Variants in BIRC6 observed in about 807,000 individuals in gnomAD.
BIRC6 encodes dual E2 ubiquitin-conjugating enzyme/E3 ubiquitin-protein ligase BIRC6.
In BIRC6, 98 loss-of-function variants were observed where a neutral mutation model predicts 503.3. That is an observed-to-expected ratio of 0.19 (90% CI 0.17 to 0.23). The LOEUF (loss-of-function observed/expected upper bound fraction) is 0.23, where lower values mean the gene tolerates loss of function less well. Among genes scored for constraint, BIRC6 ranks in the 10% least tolerant of loss-of-function variants. BIRC6 has a pLI of 1.00. For synonymous variants in BIRC6, 2,240 were observed against 2,078.7 expected (o/e 1.08, Z -2.11); for missense variants, 5,360 against 5,806.0 (o/e 0.92, Z 2.50).
At chr2:32,360,589 C>G (rs940407103) in intron 1 of BIRC6, among the ~76,000 whole-genome samples, 8 of 152,180 alleles carry the variant, frequency 5.3e-5, no homozygotes, top group Non-Finnish European at 1.0e-4. Flanking sequence ...TCGCTCCAGT[C>G]ATTTAGCTAA....
intron 11 of BIRC6, 148 bp from the exon 12 acceptor site, chr2:32,430,717 C>T: frequency 3.2e-6 from 2 of 615,874 alleles, no homozygotes; most frequent in East Asian, 5.5e-5. Context: ...ATATAGATAC[C>T]TGAGCCCACT....
intron 5 of BIRC6, among the ~76,000 whole-genome samples, chr2:32,392,702 A>G (rs2039389493): frequency 1.3e-5 from 2 of 152,000 alleles, no homozygotes; most frequent in African/African-American, 4.8e-5. Context: ...CACTCACTTC[A>G]GTCTCAACCT....
chr2:32,610,370 A>G (rs1224652098), intron 72 of BIRC6, among the ~76,000 whole-genome samples: 1 of 152,268 alleles, frequency 6.6e-6, no homozygotes, highest in Non-Finnish European at 1.5e-5. Context: ...CAAAGATAGA[A>G]TTGAAAGATA....
intron 21 of BIRC6, among the ~76,000 whole-genome samples, chr2:32,448,544 G>A (rs186959300): frequency 0.012 from 1,760 of 152,234 alleles, 21 homozygotes; most frequent in African/African-American, 0.038. Flanking sequence ...GCAGGCACTC[G>A]GCAGGCTGAG....
rs185972184 is a variant in BIRC6 at position 32,608,711 on chromosome 2, C to T, written c.14259+1068C>T. On this transcript the variant is annotated intron_variant, in intron 72 of 73. Coordinates refer to ENST00000421745, the MANE Select transcript of BIRC6 (RefSeq NM_016252.4). ...GGATTACAAGCGTGAGCCACCGCCCCGGCCTATTCTTTATTTTTATTAGTT... is the reference window on the plus strand; with the variant it reads ...GGATTACAAGCGTGAGCCACCGCCCTGGCCTATTCTTTATTTTTATTAGTT... Among the ~76,000 whole-genome samples the T allele has an allele frequency of 9.1e-3, 1,383 of 152,144 alleles. 14 individuals carry two copies. Among genetic ancestry groups the T allele is most frequent in the Middle Eastern group, 0.048 (14 of 294 alleles).
Position 32,595,110 on chromosome 2 carries a change from A to G in BIRC6, c.13578A>G (p.Glu4526=). The change falls in exon 68 of 74, where the codon GAA becomes GAG. Residue 4526 remains glutamate (E), a synonymous_variant. Transcript: ENST00000421745. The part of the protein sequence containing the change: ...KPLSVLKSLE[E]KYVAVMKKLQ... ...TGTCAGTATTAAAGTCACTTGAAGA[A>G]AAATATGTGGCTGTTATGAAGAAAT... The G allele has an allele frequency of 6.2e-7, 1 of 1,600,610 alleles. No individual in the cohort carries two copies.
intron 6 of BIRC6, among the ~76,000 whole-genome samples, chr2:32,396,459 G>A (rs1422808892): frequency 2.0e-5 from 3 of 152,122 alleles, no homozygotes; most frequent in Admixed American, 1.3e-4. Context: ...TTGCTAAAAC[G>A]TATTGCAGTG....
chr2:32,491,554 C>T lies in BIRC6; in HGVS notation c.8336C>T (p.Pro2779Leu). The T allele has an allele frequency of 6.2e-7, 1 of 1,612,776 alleles. No homozygotes were observed. Among genetic ancestry groups the T allele is most frequent in the South Asian group, 1.1e-5 (1 of 90,958 alleles). The part of the protein sequence containing the change: ...TSPHGTNQHS[P>L]QVGPTATQAM... ...CCACATGGAACAAATCAACACAGTC[C>T]ACAGGTAATATGATGTTTAGCCTGG... is the stretch of plus-strand genomic sequence containing the variant. The change falls in exon 44 of 74, where the codon CCA becomes CTA. Residue 2779 changes from proline to leucine, a missense_variant. Coordinates refer to ENST00000421745, the MANE Select transcript of BIRC6 (RefSeq NM_016252.4).
At chr2:32,530,182 G>T (rs1210576077) in intron 60 of BIRC6, among the ~76,000 whole-genome samples, 8 of 151,956 alleles carry the variant, frequency 5.3e-5, no homozygotes, top group Non-Finnish European at 1.0e-4. Flanking sequence ...ATATAATTGG[G>T]ATCACATATT....
At chr2:32,601,723 T>A (rs1359668196) in intron 70 of BIRC6, among the ~76,000 whole-genome samples, 1 of 152,224 alleles carries the variant, frequency 6.6e-6, no homozygotes, top group Non-Finnish European at 1.5e-5. Context: ...TGGCCCAGTT[T>A]TGTTTTTATT....
Position 32,494,609 on chromosome 2 carries a change from A to G in BIRC6, c.8468+942A>G, listed in dbSNP as rs1314417471. Among the ~76,000 whole-genome samples, 3 of 151,996 alleles carry G rather than the reference A, an allele frequency of 2.0e-5. No homozygotes were observed. The East Asian group carries it at 5.8e-4, about 29-fold the overall frequency. On this transcript the variant is annotated intron_variant, in intron 45 of 73. Transcript: ENST00000421745. ...GTATTTCAAAAAAATCCCCATTAAT[A>G]TAAGGAATAGGGCTGGGCTCAGTGG...
At chr2:32,541,624 A>T (rs2057671782) in intron 61 of BIRC6, among the ~76,000 whole-genome samples, 1 of 152,126 alleles carries the variant, frequency 6.6e-6, no homozygotes, top group African/African-American at 2.4e-5. Flanking sequence ...TGATTAGCTC[A>T]CTATTCATTT....
intron 61 of BIRC6, among the ~76,000 whole-genome samples, chr2:32,536,471 A>G (rs1199358318): frequency 2.0e-5 from 3 of 152,160 alleles, no homozygotes; most frequent in Non-Finnish European, 2.9e-5. Context: ...TGCATCTTGA[A>G]TTAATTTTTG....
intron 73 of BIRC6, among the ~76,000 whole-genome samples, chr2:32,613,515 G>C (rs2063025257): frequency 6.6e-6 from 1 of 151,872 alleles, no homozygotes; most frequent in Admixed American, 6.6e-5. Context: ...TGAGTATCTG[G>C]GATTACAGTC....
Position 32,404,149 on chromosome 2 carries a change from C to T in BIRC6, c.1419-2350C>T, listed in dbSNP as rs181407089. On this transcript the variant is annotated intron_variant, in intron 8 of 73. Coordinates refer to ENST00000421745, the MANE Select transcript of BIRC6 (RefSeq NM_016252.4). ...TTCTCCATGTTGGCCAGGCTGTTCTCGAACTCCGGACCTCAGATGATCCAC... is the reference window on the plus strand; with the variant it reads ...TTCTCCATGTTGGCCAGGCTGTTCTTGAACTCCGGACCTCAGATGATCCAC... 1.1e-4 allele frequency among the ~76,000 whole-genome samples: 16 copies of T among 151,884 alleles called. 1 individual carries two copies. The East Asian group carries it at 2.9e-3, about 28-fold the overall frequency.
intron 3 of BIRC6, among the ~76,000 whole-genome samples, chr2:32,388,189 A>G (rs2149509368): frequency 6.6e-6 from 1 of 151,710 alleles, no homozygotes. Context: ...GATCAGCCTG[A>G]CCAACCTGAT....
intron 23 of BIRC6, among the ~76,000 whole-genome samples, chr2:32,457,568 A>C (rs1180935194): frequency 6.6e-6 from 1 of 152,152 alleles, no homozygotes; most frequent in Admixed American, 6.5e-5. Flanking sequence ...AATGCTCATA[A>C]TCCAGATTAT....
At chr2:32,391,663 A>C (rs757774235) in intron 4 of BIRC6, among the ~76,000 whole-genome samples, 1 of 152,238 alleles carries the variant, frequency 6.6e-6, no homozygotes, top group Non-Finnish European at 1.5e-5. Context: ...AGCTTTGCTT[A>C]TCAATCCTTT....
chr2:32,435,604 C>G lies in BIRC6; in HGVS notation c.3499+19C>G. The G allele has an allele frequency of 6.5e-7, 1 of 1,546,166 alleles. No individual in the cohort carries two copies. Among genetic ancestry groups the G allele is most frequent in the Non-Finnish European group, 8.7e-7 (1 of 1,145,400 alleles). On this transcript the variant is annotated intron_variant, in intron 14 of 73. Coordinates refer to ENST00000421745, the MANE Select transcript of BIRC6 (RefSeq NM_016252.4). ...TCACAGTGTGAGTTAAATTATAGAG[C>G]TGTTGTCCATGACAGTAAAAGGAGT... is the stretch of plus-strand genomic sequence containing the variant.
Sources: gnomAD v4.1 joint callset for allele counts (sites outside exome capture counted in the v4.1 genomes callset) on GRCh38, gnomAD v4.1.1 for gene constraint, MANE v1.5 for transcripts, NCBI Gene and HGNC (gene_info 2026-07-23, HGNC 2026-07-21) for gene names.